Variants in ASB3 observed in about 807,000 individuals in gnomAD.
The protein encoded by ASB3 is ankyrin repeat and SOCS box containing 3, also known as ankyrin repeat and SOCS box protein 3.
Under a neutral mutation model 54.5 loss-of-function variants are expected in ASB3, and 41 were observed. That is an observed-to-expected ratio of 0.75 (90% confidence interval 0.59 to 0.98). ASB3 has a LOEUF of 0.98. ASB3 is among the 50% of genes least tolerant of loss of function. ASB3 has a pLI of 0.00. For synonymous variants in ASB3, 266 were observed against 221.2 expected, an observed-to-expected ratio of 1.20 and a Z score of -1.80; for missense variants, 733 against 620.0, an observed-to-expected ratio of 1.18 and a Z score of -1.94.
intron 1 of ASB3, among the ~76,000 whole-genome samples, chr2:53,777,884 C>T (rs1303946557): frequency 2.0e-5 from 3 of 152,030 alleles, no homozygotes; most frequent in African/African-American, 4.8e-5. Context: ...TGGTAGCTAA[C>T]GCCTGTAATC....
At chr2:53,748,088 T>C (rs1572960531) in intron 3 of ASB3, among the ~76,000 whole-genome samples, 1 of 152,022 alleles carries the variant, frequency 6.6e-6, no homozygotes, top group Non-Finnish European at 1.5e-5. Flanking sequence ...GGAATAATAA[T>C]AGTACATGTC....
At chr2:53,748,787 T>A (rs1672364579) in intron 3 of ASB3, among the ~76,000 whole-genome samples, 2 of 152,178 alleles carry the variant, frequency 1.3e-5, no homozygotes. Flanking sequence ...TAACAAGTGA[T>A]CTTGGATTCA....
intron 8 of ASB3, among the ~76,000 whole-genome samples, chr2:53,697,575 T>C (rs112225144): frequency 4.1e-4 from 62 of 152,290 alleles, no homozygotes; most frequent in African/African-American, 1.4e-3. Flanking sequence ...AGGCATAATT[T>C]ACCTTAAATT....
intron 3 of ASB3, among the ~76,000 whole-genome samples, chr2:53,732,775 C>A (rs1671392010): frequency 6.6e-6 from 1 of 152,096 alleles, no homozygotes; most frequent in African/African-American, 2.4e-5. Flanking sequence ...TTAATTATTT[C>A]AAAATAAAGC....
chr2:53,692,443 T>C (rs1668966479), intron 9 of ASB3, among the ~76,000 whole-genome samples: 1 of 152,104 alleles, frequency 6.6e-6, no homozygotes, highest in Non-Finnish European at 1.5e-5. Context: ...CTACATTAGC[T>C]CAGAAAAAGC....
chr2:53,708,794 G>A (rs934124757), intron 7 of ASB3, among the ~76,000 whole-genome samples: 7 of 152,212 alleles, frequency 4.6e-5, no homozygotes, highest in Non-Finnish European at 1.0e-4. Flanking sequence ...GTAGAACTTT[G>A]AACTTGAGAG....
chr2:53,726,257 ATTTT>A (rs35225840), intron 5 of ASB3, among the ~76,000 whole-genome samples: 2 of 135,486 alleles, frequency 1.5e-5, no homozygotes, highest in Non-Finnish European at 3.2e-5. Flanking sequence ...TTTAATCTAA[ATTTT>A]TTTTTTTTTT....
chr2:53,683,361 G>A (rs1171838453), intron 9 of ASB3, among the ~76,000 whole-genome samples: 1 of 151,694 alleles, frequency 6.6e-6, no homozygotes, highest in Non-Finnish European at 1.5e-5. Context: ...GTAGAATTCG[G>A]TTTGCTAGTA....
At chr2:53,671,512 T>C (rs1187190485) in intron 9 of ASB3, among the ~76,000 whole-genome samples, 2 of 151,950 alleles carry the variant, frequency 1.3e-5, no homozygotes, top group Non-Finnish European at 2.9e-5. Context: ...GTAATCCCAG[T>C]ACTTTGGGAG....
intron 2 of ASB3, among the ~76,000 whole-genome samples, chr2:53,762,575 T>A (rs1673205030): frequency 6.6e-6 from 1 of 152,242 alleles, no homozygotes; most frequent in South Asian, 2.1e-4. Context: ...CAAATAAAAG[T>A]ATTTTTTAGC....
At chr2:53,718,514 G>A (rs917593628) in intron 5 of ASB3, among the ~76,000 whole-genome samples, 1 of 151,978 alleles carries the variant, frequency 6.6e-6, no homozygotes, top group Admixed American at 6.6e-5. Context: ...GATCCTTAAG[G>A]GACTTTTAAA....
At chr2:53,705,411 A>T (rs897844096) in intron 7 of ASB3, among the ~76,000 whole-genome samples, 2 of 152,182 alleles carry the variant, frequency 1.3e-5, no homozygotes, top group Non-Finnish European at 2.9e-5. Flanking sequence ...AACAAAACTA[A>T]GTTTGTTAAC....
intron 2 of ASB3, among the ~76,000 whole-genome samples, chr2:53,755,603 T>A (rs3770392): frequency 0.1 from 15,342 of 152,258 alleles, 916 homozygotes; most frequent in East Asian, 0.16. Context: ...TATGTTTTAT[T>A]TAGGTATTAT....
chr2:53,774,943 C>T (rs1674230461), intron 1 of ASB3: 1 of 153,968 alleles, frequency 6.5e-6, no homozygotes, highest in Non-Finnish European at 1.4e-5. Flanking sequence ...TTAAAATACA[C>T]AAGCTTAAAA....
At chr2:53,763,924 T>A (rs1041453758) in intron 2 of ASB3, among the ~76,000 whole-genome samples, 4 of 152,168 alleles carry the variant, frequency 2.6e-5, no homozygotes, top group African/African-American at 4.8e-5. Flanking sequence ...TAATAGACAC[T>A]AGACACTTGA....
chr2:53,700,040 C>G (rs147985862), intron 8 of ASB3, among the ~76,000 whole-genome samples: 609 of 152,218 alleles, frequency 4.0e-3, no homozygotes, highest in Middle Eastern at 0.017. Context: ...TAGAAGAGCT[C>G]ACTGGCATCT....
chr2:53,721,774 C>T (rs969481083), intron 5 of ASB3, among the ~76,000 whole-genome samples: 1 of 151,988 alleles, frequency 6.6e-6, no homozygotes, highest in Non-Finnish European at 1.5e-5. Flanking sequence ...CAATATCACA[C>T]TTCGAGGAAT....
intron 9 of ASB3, among the ~76,000 whole-genome samples, chr2:53,678,966 G>A (rs1668226163): frequency 6.6e-6 from 1 of 152,008 alleles, no homozygotes; most frequent in African/African-American, 2.4e-5. Context: ...TATTCTTCCA[G>A]AGTTTGCTCT....
Position 53,693,932 on chromosome 2 carries a change from T to G in ASB3, c.1321A>C (p.Met441Leu). 1 of 1,613,644 alleles carries G rather than the reference T, an allele frequency of 6.2e-7. No individual in the cohort carries two copies. The highest frequency in any genetic ancestry group is 8.5e-7 in the Non-Finnish European group (1 of 1,179,644). ...WKTLAPAVER[M>L]LSARASNAWI... ...GCGTTTGAGGCACGAGCAGAGAGCA[T>G]CCTTTCAACAGCTGGTGCAAGTGTC... The change falls in exon 9 of 10, where the codon ATG becomes CTG. Residue 441 changes from methionine to leucine, a missense_variant. Physicochemically the swap from Met to Leu is conservative, Grantham distance 15 (BLOSUM62 2). Transcript: ENST00000263634.
Sources: gnomAD v4.1 joint callset for allele counts (sites outside exome capture counted in the v4.1 genomes callset) on GRCh38, gnomAD v4.1.1 for gene constraint, MANE v1.5 for transcripts, NCBI Gene and HGNC (gene_info 2026-07-23, HGNC 2026-07-21) for gene names.